Variants in FBXL17 observed in about 807,000 individuals in gnomAD.
The protein encoded by FBXL17 is F-box/LRR-repeat protein 17.
A neutral mutation model predicts 66.2 loss-of-function variants in FBXL17; 22 were observed. That is an observed-to-expected ratio of 0.33 (90% CI 0.24 to 0.47). The LOEUF is 0.47. Among genes scored for constraint, FBXL17 ranks in the 20% least tolerant of loss-of-function variants. The probability of loss-of-function intolerance (pLI) is 1.00; values close to 1 mark genes in which losing one functional copy is unlikely to be tolerated. For synonymous variants in FBXL17, 474 were observed against 400.5 expected, an observed-to-expected ratio of 1.18 and a Z score of -2.19; for missense variants, 878 against 948.2, an observed-to-expected ratio of 0.93 and a Z score of 0.97.
intron 5 of FBXL17, among the ~76,000 whole-genome samples, chr5:108,220,159 G>A (rs1296369420): frequency 6.6e-6 from 1 of 150,982 alleles, no homozygotes; most frequent in Non-Finnish European, 1.5e-5. Context: ...TTTTGATTTT[G>A]TCTTTACTCA....
At chr5:108,220,240 T>G (rs1754800548) in intron 5 of FBXL17, among the ~76,000 whole-genome samples, 1 of 152,078 alleles carries the variant, frequency 6.6e-6, no homozygotes. Flanking sequence ...TGCAGTTCTC[T>G]CCACTCCAGT....
chr5:108,198,883 T>C (rs893947203), intron 5 of FBXL17, among the ~76,000 whole-genome samples: 1 of 151,966 alleles, frequency 6.6e-6, no homozygotes, highest in African/African-American at 2.4e-5. Flanking sequence ...AAGATCTCTC[T>C]AAAGTTTTCC....
At chr5:108,311,647 C>T (rs1381358691) in intron 4 of FBXL17, among the ~76,000 whole-genome samples, 1 of 152,078 alleles carries the variant, frequency 6.6e-6, no homozygotes, top group African/African-American at 2.4e-5. Context: ...CTTTTTATTT[C>T]ATCTCCACAT....
At chr5:108,129,655 T>C (rs1026287159) in intron 6 of FBXL17, among the ~76,000 whole-genome samples, 1 of 152,014 alleles carries the variant, frequency 6.6e-6, no homozygotes, top group African/African-American at 2.4e-5. Context: ...AGTAAAAATA[T>C]GTCATGGTAG....
intron 5 of FBXL17, among the ~76,000 whole-genome samples, chr5:108,208,886 A>G (rs957518421): frequency 6.6e-6 from 1 of 152,160 alleles, no homozygotes; most frequent in Admixed American, 6.5e-5. Flanking sequence ...CTTTGAATCT[A>G]TCAATTACTT....
At chr5:108,133,261 T>C (rs1427314520) in intron 6 of FBXL17, among the ~76,000 whole-genome samples, 2 of 152,160 alleles carry the variant, frequency 1.3e-5, no homozygotes, top group African/African-American at 4.8e-5. Flanking sequence ...GTATCTAAAA[T>C]TTTTTATATC....
At chr5:108,161,365 A>G (rs1353678117) in intron 6 of FBXL17, among the ~76,000 whole-genome samples, 7 of 152,164 alleles carry the variant, frequency 4.6e-5, no homozygotes, top group African/African-American at 1.2e-4. Context: ...GTGTGCCTGT[A>G]GTCCCAGCTA....
chr5:108,130,523 A>T (rs1750890906), intron 6 of FBXL17, among the ~76,000 whole-genome samples: 1 of 152,054 alleles, frequency 6.6e-6, no homozygotes, highest in South Asian at 2.1e-4. Context: ...TATCTTTTCA[A>T]GATTTTAACT....
intron 7 of FBXL17, among the ~76,000 whole-genome samples, chr5:107,883,345 C>T: frequency 6.6e-6 from 1 of 152,044 alleles, no homozygotes; most frequent in Admixed American, 6.6e-5. Context: ...AATCATGGGG[C>T]AAGGCACCTG....
intron 6 of FBXL17, among the ~76,000 whole-genome samples, chr5:108,178,239 G>C (rs560857819): frequency 6.6e-6 from 1 of 152,032 alleles, no homozygotes; most frequent in Non-Finnish European, 1.5e-5. Context: ...ATAAAGACGG[G>C]GTTTCACCAT....
intron 4 of FBXL17, among the ~76,000 whole-genome samples, chr5:108,230,808 C>T (rs2010477): frequency 0.011 from 1,516 of 132,194 alleles, 21 homozygotes; most frequent in African/African-American, 0.04. Flanking sequence ...GGTTGGGGGG[C>T]GCGAGGGATA....
chr5:107,867,205 G>C (rs1748301961), intron 8 of FBXL17, among the ~76,000 whole-genome samples: 1 of 152,114 alleles, frequency 6.6e-6, no homozygotes, highest in African/African-American at 2.4e-5. Context: ...GTGATTCTTT[G>C]GGCTATTGTC....
chr5:107,988,781 A>T (rs932776759), intron 7 of FBXL17, among the ~76,000 whole-genome samples: 1 of 152,016 alleles, frequency 6.6e-6, no homozygotes, highest in African/African-American at 2.4e-5. Flanking sequence ...TGATGATCTG[A>T]TGTTTTGTTT....
At chr5:107,974,674 AT>A (rs537064459) in intron 7 of FBXL17, among the ~76,000 whole-genome samples, 39 of 148,842 alleles carry the variant, frequency 2.6e-4, no homozygotes, top group East Asian at 3.9e-4. Context: ...ATTATTTTCT[AT>A]TTTTTTTTTA....
intron 7 of FBXL17, among the ~76,000 whole-genome samples, chr5:107,899,055 T>C (rs1402688972): frequency 6.6e-6 from 1 of 152,212 alleles, no homozygotes; most frequent in East Asian, 1.9e-4. Flanking sequence ...ACTTCCACAA[T>C]GGTTGAACTA....
At chr5:107,876,539 G>A (rs1241534857) in intron 8 of FBXL17, among the ~76,000 whole-genome samples, 2 of 152,060 alleles carry the variant, frequency 1.3e-5, no homozygotes, top group African/African-American at 4.8e-5. Flanking sequence ...TTTCCACCAC[G>A]ACACTTTTAT....
chr5:107,999,928 T>C (rs752582278), intron 7 of FBXL17, among the ~76,000 whole-genome samples: 2 of 152,100 alleles, frequency 1.3e-5, no homozygotes, highest in African/African-American at 2.4e-5. Flanking sequence ...TAAGAACAAG[T>C]AGAAAGGCGA....
At chr5:107,880,545 A>G in intron 8 of FBXL17, 1 of 1,011,022 alleles carries the variant, frequency 9.9e-7, no homozygotes. Flanking sequence ...GCAAATTCCC[A>G]CATACCCCCT....
At chr5:107,876,974 G>A (rs1031146443) in intron 8 of FBXL17, among the ~76,000 whole-genome samples, 8 of 152,192 alleles carry the variant, frequency 5.3e-5, no homozygotes, top group Middle Eastern at 3.4e-3. Context: ...AGGTGATTTC[G>A]GGTCAACTCT....
Sources: allele counts gnomAD v4.1 joint callset (sites outside exome capture counted in the v4.1 genomes callset), GRCh38; gene constraint gnomAD v4.1.1; transcripts MANE v1.5; gene names NCBI Gene and HGNC (gene_info 2026-07-23, HGNC 2026-07-21).